The following CSMD2 variants were observed in gnomAD, a reference collection of about 807,000 sequenced individuals.
The protein encoded by CSMD2 is CUB and sushi domain-containing protein 2.
Under a neutral mutation model 398.5 loss-of-function variants are expected in CSMD2, and 130 were observed. That is an observed-to-expected ratio of 0.33 (90% CI 0.28 to 0.38). The LOEUF is 0.38. Ranked by LOEUF, CSMD2 falls within the 10% of genes least tolerant of loss-of-function variation. The pLI is 1.00. For synonymous variants in CSMD2, 1,828 were observed against 1,908.5 expected (o/e 0.96, Z 1.10); for missense variants, 3,829 against 4,764.9 (o/e 0.80, Z 5.78).
At chr1:34,148,180 G>A (rs1447079427) in intron 1 of CSMD2, among the ~76,000 whole-genome samples, 1 of 152,098 alleles carries the variant, frequency 6.6e-6, no homozygotes, top group East Asian at 1.9e-4. Flanking sequence ...TGGACTAATC[G>A]GCTCATTCTT....
intron 5 of CSMD2, among the ~76,000 whole-genome samples, chr1:33,873,286 G>A (rs1417900806): frequency 1.3e-5 from 2 of 152,280 alleles, no homozygotes; most frequent in East Asian, 1.9e-4. Context: ...ATGTGGAAGG[G>A]ACAAGAATCA....
chr1:33,771,758 C>T (rs917045727), intron 13 of CSMD2, among the ~76,000 whole-genome samples: 24 of 152,216 alleles, frequency 1.6e-4, no homozygotes, highest in African/African-American at 5.8e-4. Context: ...AGGCTGCCTG[C>T]CTTTCCCTGA....
At chr1:33,695,099 G>A (rs1182823611) in intron 24 of CSMD2, among the ~76,000 whole-genome samples, 3 of 152,266 alleles carry the variant, frequency 2.0e-5, no homozygotes, top group South Asian at 2.1e-4. Context: ...TGACCAGGTC[G>A]GTTGGGTGGC....
At chr1:33,605,210 A>G in intron 42 of CSMD2, 72 bp downstream of exon 42, 1 of 1,395,188 alleles carries the variant, frequency 7.2e-7, no homozygotes, top group East Asian at 2.4e-5. Flanking sequence ...GGTAGGTGGA[A>G]CATGGGATTG....
intron 3 of CSMD2, among the ~76,000 whole-genome samples, chr1:33,960,382 C>T (rs141073327): frequency 2.8e-3 from 422 of 152,328 alleles, no homozygotes; most frequent in Non-Finnish European, 4.6e-3. Flanking sequence ...GAGGTAGATT[C>T]GCTCACACAG....
chr1:34,057,802 C>T (rs1654019967), intron 2 of CSMD2, among the ~76,000 whole-genome samples: 1 of 152,208 alleles, frequency 6.6e-6, no homozygotes, highest in African/African-American at 2.4e-5. Flanking sequence ...AACTACCCAC[C>T]TTGTCTCTCT....
rs544451523 is a variant in CSMD2, at chr1:33,663,493, A to T, written c.4053-401T>A. Among the ~76,000 whole-genome samples, 5 of 133,388 alleles carry T rather than the reference A, an allele frequency of 3.7e-5. No homozygotes were observed. The South Asian group carries it at 7.7e-4, about 21-fold the overall frequency. 87.5% of individuals were successfully genotyped at this position (133,388 alleles called of 152,430 possible). A position where few individuals can be genotyped will look rare whatever the true frequency, so the allele number is the denominator to read the frequency against. Reference sequence around the variant, plus strand: ...TCTGGCTTGGACAAAGGATATAGGTAAAAAAAAAAAAATAATTGGGGCTAG... The same window carrying T: ...TCTGGCTTGGACAAAGGATATAGGTTAAAAAAAAAAAATAATTGGGGCTAG... On this transcript the variant is annotated intron_variant, in intron 25 of 70. Transcript: ENST00000373381.
intron 29 of CSMD2, among the ~76,000 whole-genome samples, chr1:33,645,386 CACACACATAT>C (rs1355721199): frequency 7.0e-6 from 1 of 142,946 alleles, no homozygotes; most frequent in Non-Finnish European, 1.5e-5. Flanking sequence ...CACACACACA[CACACACATAT>C]ATAAAATATG....
chr1:34,121,398 G>A (rs994392396), intron 1 of CSMD2, among the ~76,000 whole-genome samples: 2 of 152,298 alleles, frequency 1.3e-5, no homozygotes, highest in African/African-American at 4.8e-5. Flanking sequence ...TGGAGGCTAT[G>A]ACCACTAGGT....
intron 10 of CSMD2, among the ~76,000 whole-genome samples, chr1:33,798,010 G>C (rs1655146024): frequency 6.6e-6 from 1 of 152,200 alleles, no homozygotes; most frequent in South Asian, 2.1e-4. Context: ...AATTACACAA[G>C]AAGACTGTTC....
At chr1:33,693,095 C>T in intron 24 of CSMD2, 39 bp from the exon 25 acceptor site, 1 of 1,554,264 alleles carries the variant, frequency 6.4e-7, no homozygotes, top group Non-Finnish European at 8.7e-7. Context: ...CATGGGGTGG[C>T]CTGAGCTGCC....
chr1:34,040,375 CAG>C (rs1303503712), intron 2 of CSMD2, among the ~76,000 whole-genome samples: 5 of 152,270 alleles, frequency 3.3e-5, no homozygotes, highest in Admixed American at 3.3e-4. Context: ...GATTAGTACA[CAG>C]AGTATAACCT....
intron 5 of CSMD2, among the ~76,000 whole-genome samples, chr1:33,872,955 C>G (rs1382100872): frequency 6.6e-6 from 1 of 152,184 alleles, no homozygotes; most frequent in Non-Finnish European, 1.5e-5. Flanking sequence ...TGTTACGGAC[C>G]AGTGACGCCT....
chr1:33,743,223 A>T (rs1647142932), intron 14 of CSMD2, 57 bp downstream of exon 14: 1 of 1,459,830 alleles, frequency 6.9e-7, no homozygotes, highest in Admixed American at 2.0e-5. Flanking sequence ...ACCTTCGATC[A>T]TCCTCAGAGG....
intron 12 of CSMD2, among the ~76,000 whole-genome samples, chr1:33,784,916 C>G (rs1436819667): frequency 6.6e-6 from 1 of 152,202 alleles, no homozygotes; most frequent in Non-Finnish European, 1.5e-5. Flanking sequence ...CCACAAGACT[C>G]AAGCTTACAC....
chr1:33,594,682 G>A (rs962470756), intron 44 of CSMD2, among the ~76,000 whole-genome samples: 5 of 151,888 alleles, frequency 3.3e-5, no homozygotes, highest in African/African-American at 9.7e-5. Flanking sequence ...CCATTTTCAC[G>A]CCTCTGCCCT....
At chr1:34,135,489 T>G (rs1677747) in intron 1 of CSMD2, among the ~76,000 whole-genome samples, 107,940 of 151,618 alleles carry the variant, frequency 0.71, 39,661 homozygotes, top group Non-Finnish European at 0.81. Context: ...GTGGTGGCAC[T>G]TGCCTGTAGT....
chr1:33,771,501 C>T lies in CSMD2; in HGVS notation c.1846+1068G>A, dbSNP rs12038268. On this transcript the variant is annotated intron_variant, in intron 13 of 70. Transcript: ENST00000373381. ...TCTTTAAACCTCTCAAGACTTTTTA[C>T]ATAAATAAACTCAAAAGTCATCAAA... Among the ~76,000 whole-genome samples, 48 of 152,184 alleles carry T rather than the reference C, an allele frequency of 3.2e-4. 2 individuals are homozygous for T. The East Asian group carries it at 9.1e-3, about 29-fold the overall frequency.
At chr1:33,837,662 C>A (rs569279398) in intron 6 of CSMD2, among the ~76,000 whole-genome samples, 1 of 152,304 alleles carries the variant, frequency 6.6e-6, no homozygotes, top group South Asian at 2.1e-4. Context: ...CACATGTAAA[C>A]ACATGGATAC....
Sources: gnomAD v4.1 joint callset for allele counts (sites outside exome capture counted in the v4.1 genomes callset) on GRCh38, gnomAD v4.1.1 for gene constraint, MANE v1.5 for transcripts, NCBI Gene and HGNC (gene_info 2026-07-23, HGNC 2026-07-21) for gene names.